Variants in BMP1 observed in about 807,000 individuals in gnomAD.
BMP1 encodes bone morphogenetic protein 1, also known as mammalian tolloid protein.
Under a neutral mutation model 116.8 loss-of-function variants are expected in BMP1, and 63 were observed. That is an observed-to-expected ratio of 0.54 (90% confidence interval 0.44 to 0.67). The LOEUF (loss-of-function observed/expected upper bound fraction) is 0.67. Ranked by LOEUF, BMP1 falls within the 30% of genes least tolerant of loss-of-function variation. The pLI is 0.00. For synonymous variants in BMP1, 536 were observed against 533.4 expected, an observed-to-expected ratio of 1.00 and a Z score of -0.07; for missense variants, 1,183 against 1,358.9, an observed-to-expected ratio of 0.87 and a Z score of 2.04.
At position 22,173,667 on chromosome 8, in the gene BMP1, G is replaced by C. The variant is rs778621366; in HGVS notation, c.214G>C (p.Val72Leu). ...DLRAFQVQQA[V>L]DLRRHTARKS... ...GAGGGCCTTCCAGGTACAGCAGGCT[G>C]TGGATCTCAGACGGCACACAGCTCG... The change falls in exon 2 of 20, where the codon GTG becomes CTG. Residue 72 changes from valine to leucine, a missense_variant. Physicochemically the swap from Val to Leu is conservative, Grantham distance 32. Around this residue, in one of 4 missense-constraint regions of BMP1, gnomAD observed 185 missense variants for 158.9 expected, o/e 1.16. Coordinates refer to ENST00000306385, the MANE Select transcript of BMP1 (RefSeq NM_006129.5). The C allele has an allele frequency of 1.2e-6, 2 of 1,613,812 alleles. No homozygotes were observed. Among genetic ancestry groups the C allele is most frequent in the South Asian group, 2.2e-5 (2 of 91,050 alleles).
In BMP1 at chr8:22,197,568, C is replaced by T. The variant is rs964111016; in HGVS notation, c.2107+148C>T. 2.3e-5 allele frequency: 20 copies of T among 852,458 alleles called. No individual in the cohort carries two copies. In the African/African-American group the frequency reaches 3.4e-4, roughly 14 times the overall value. The allele number at this position is 852,458 out of a possible 1,614,324, so 52.8% of individuals were successfully genotyped here. A position where few individuals can be genotyped will look rare whatever the true frequency, so the allele number is the denominator to read the frequency against. On this transcript the variant is annotated intron_variant, in intron 15 of 19. Coordinates refer to ENST00000306385, the MANE Select transcript of BMP1 (RefSeq NM_006129.5). ...CCCTGCTCCCCACCACTTCACTCTC[C>T]CATCAAGCCAGCCCTTCCAGTATCC...
In BMP1 at chr8:22,211,576, A is replaced by G; in HGVS notation, c.2827-18A>G. ...AGCCCCTCTTCCTCCACCTTACCCC[A>G]TCTCTTTTCTCTGCCAGCCTCCTGA... On this transcript the variant is annotated intron_variant, in intron 19 of 19. Coordinates refer to ENST00000306385, the MANE Select transcript of BMP1 (RefSeq NM_006129.5). 1 of 1,614,014 alleles carries G rather than the reference A, an allele frequency of 6.2e-7. No individual in the cohort carries two copies.
At chr8:22,175,796 G>A (rs901851172) in intron 2 of BMP1, among the ~76,000 whole-genome samples, 4 of 152,094 alleles carry the variant, frequency 2.6e-5, no homozygotes, top group Admixed American at 1.3e-4. Flanking sequence ...TTTAAACAGC[G>A]AAACCCTCAA....
At chr8:22,201,043 A>G in intron 15 of BMP1, 1 of 989,194 alleles carries the variant, frequency 1.0e-6, no homozygotes, top group Admixed American at 2.7e-5. Context: ...TCTGGTTTTC[A>G]CTGCTGTCCC....
intron 5 of BMP1, chr8:22,177,617 G>A (rs1202817765): frequency 2.6e-6 from 2 of 758,202 alleles, no homozygotes; most frequent in African/African-American, 1.7e-5. Flanking sequence ...TAGAAATGGT[G>A]CTTCCTTCCC....
intron 1 of BMP1, among the ~76,000 whole-genome samples, chr8:22,165,882 C>G (rs866413402): frequency 4.6e-5 from 6 of 131,314 alleles, no homozygotes; most frequent in African/African-American, 1.7e-4. Flanking sequence ...CCTGTGCGTG[C>G]GTGTGTGTGT....
chr8:22,187,112 T>C (rs1346052587), intron 8 of BMP1, among the ~76,000 whole-genome samples: 1 of 151,904 alleles, frequency 6.6e-6, no homozygotes, highest in East Asian at 1.9e-4. Context: ...TGCCTCAGCC[T>C]CCCAAGTAAC....
intron 6 of BMP1, among the ~76,000 whole-genome samples, chr8:22,178,666 C>T (rs1177139052): frequency 6.6e-6 from 1 of 152,128 alleles, no homozygotes; most frequent in East Asian, 1.9e-4. Flanking sequence ...TGCCCAGCTC[C>T]GAAGCACATC....
chr8:22,193,938 A>C, intron 9 of BMP1, 120 bp from the exon 10 acceptor site: 5 of 773,780 alleles, frequency 6.5e-6, no homozygotes, highest in Non-Finnish European at 1.1e-5. Flanking sequence ...AGTCTTGGGA[A>C]TGTGTGAAGT....
intron 15 of BMP1, chr8:22,201,074 C>T (rs904392784): frequency 4.5e-6 from 7 of 1,551,190 alleles, no homozygotes; most frequent in South Asian, 1.1e-5. Context: ...CTGCCCTCCA[C>T]CCCCACCCCT....
Position 22,209,570 on chromosome 8 carries a change from G to C in BMP1, c.2701G>C (p.Gly901Arg). 4 of 1,614,218 alleles carry C rather than the reference G, an allele frequency of 2.5e-6. No individual in the cohort carries two copies. The highest frequency in any genetic ancestry group is 2.5e-6 in the Non-Finnish European group (3 of 1,180,028). ...EWVIVAEEGY[G>R]VELVFQTFEV... The stretch of plus-strand genomic sequence containing the variant: ...GGTCATTGTGGCCGAGGAAGGCTAC[G>C]GCGTGGAGCTCGTGTTCCAGACCTT... Residue 901 changes from glycine to arginine, a missense_variant, in exon 19 of 20, where the codon GGC (glycine) becomes CGC (arginine). Gly to Arg is a moderately radical substitution (Grantham distance 125). Coordinates refer to ENST00000306385, the MANE Select transcript of BMP1 (RefSeq NM_006129.5).
chr8:22,202,950 G>A (rs540738227), intron 16 of BMP1, among the ~76,000 whole-genome samples: 1 of 151,696 alleles, frequency 6.6e-6, no homozygotes, highest in African/African-American at 2.4e-5. Context: ...GGCTGAGGCT[G>A]CATGAGCCGA....
In BMP1 at chr8:22,211,748, G is replaced by A. The variant is rs368892282; in HGVS notation, c.*20G>A. 27 of 1,613,876 alleles carry A rather than the reference G, an allele frequency of 1.7e-5. No individual in the cohort carries two copies. Among genetic ancestry groups the A allele is most frequent in the African/African-American group, 4.0e-5 (3 of 74,914 alleles). On this transcript the variant is annotated 3_prime_UTR_variant, in exon 20 of 20. Transcript: ENST00000306385. ...AAGTGACCACTGCCTGAGCAGGGGC[G>A]GGGACTGGAGCCTGCTGCCCTTGGT...
chr8:22,175,567 A>G (rs560572600), intron 2 of BMP1, among the ~76,000 whole-genome samples: 53 of 152,320 alleles, frequency 3.5e-4, no homozygotes, highest in Middle Eastern at 3.4e-3. Flanking sequence ...ATTTTTGTCA[A>G]CTGATCAGTG....
rs1165820216 is a variant in BMP1, at chr8:22,201,699, C to T, written c.2108-104C>T. The T allele has an allele frequency of 2.6e-6, 4 of 1,538,732 alleles. No homozygotes were observed. The African/African-American group carries it at 4.1e-5, about 16-fold the overall frequency. On this transcript the variant is annotated intron_variant, in intron 15 of 19. Transcript: ENST00000306385. ...CTGGCCAGCTCTGCCAGCTGTTGCTCTGTCCCGGTGGGAGAAAGTCCAGCC... is the reference window on the plus strand; with the variant it reads ...CTGGCCAGCTCTGCCAGCTGTTGCTTTGTCCCGGTGGGAGAAAGTCCAGCC...
At chr8:22,206,789 C>G in intron 16 of BMP1, 65 bp from the exon 17 acceptor site, 1 of 1,602,196 alleles carries the variant, frequency 6.2e-7, no homozygotes, top group Admixed American at 1.7e-5. Context: ...GAAGGGCCTT[C>G]CCCACAGGAG....
chr8:22,184,848 A>G (rs1264790670), intron 8 of BMP1, among the ~76,000 whole-genome samples: 1 of 152,272 alleles, frequency 6.6e-6, no homozygotes, highest in African/African-American at 2.4e-5. Flanking sequence ...ATGGCCTTTC[A>G]AAGGTAAACC....
In BMP1 at chr8:22,165,462, C is replaced by G. The variant is rs1387672103; in HGVS notation, c.57C>G (p.Pro19=). The G allele has an allele frequency of 8.9e-6, 14 of 1,580,914 alleles. No homozygotes were observed. The highest frequency in any genetic ancestry group is 1.7e-4 in the Middle Eastern group (1 of 5,978). The change falls in exon 1 of 20, where the codon CCC becomes CCG. Residue 19 remains proline (P), a synonymous_variant. Transcript: ENST00000306385. ...LLLGLLLLPR[P]GRPLDLADYT... ...TCGGGCTGCTGCTGCTCCCGCGTCC[C>G]GGCCGGCCGCTGGACTTGGCCGACT...
intron 8 of BMP1, among the ~76,000 whole-genome samples, chr8:22,181,655 C>T (rs757543251): frequency 1.3e-5 from 2 of 151,892 alleles, no homozygotes; most frequent in Admixed American, 6.6e-5. Flanking sequence ...CAGGGTCAAG[C>T]GATACTCCCA....
Sources: gnomAD v4.1 joint callset for allele counts (sites outside exome capture counted in the v4.1 genomes callset) on GRCh38, gnomAD v4.1.1 for gene constraint, gnomAD v4.1.1 regional missense constraint, MANE v1.5 for transcripts, NCBI Gene and HGNC (gene_info 2026-07-23, HGNC 2026-07-21) for gene names.